Variants in DCDC1 observed in about 807,000 individuals in gnomAD.
DCDC1 encodes doublecortin domain containing 1, also known as doublecortin domain-containing protein 1.
DCDC1 carries 200 observed loss-of-function variants against 178.3 expected under a neutral mutation model. The observed-to-expected ratio is 1.12, with a 90% confidence interval of 1.00 to 1.26. The LOEUF (loss-of-function observed/expected upper bound fraction) is 1.26. Ranked by LOEUF, DCDC1 falls within the 50% of genes most tolerant of loss-of-function variation. The pLI, the probability that DCDC1 is intolerant of heterozygous loss-of-function variation, is 0.00. For synonymous variants in DCDC1, 690 were observed against 604.8 expected (o/e 1.14, Z -2.07); for missense variants, 1,983 against 1,749.2 (o/e 1.13, Z -2.38).
intron 20 of DCDC1, among the ~76,000 whole-genome samples, chr11:30,960,330 G>A (rs1949024135): frequency 6.6e-6 from 1 of 152,092 alleles, no homozygotes; most frequent in Non-Finnish European, 1.5e-5. Flanking sequence ...AGCCGGTCAT[G>A]TTCAACTTAC....
intron 20 of DCDC1, among the ~76,000 whole-genome samples, chr11:31,034,487 T>C (rs1175805051): frequency 6.6e-6 from 1 of 152,206 alleles, no homozygotes; most frequent in Non-Finnish European, 1.5e-5. Flanking sequence ...AAGTGACTTA[T>C]ACAGGTGTCT....
intron 31 of DCDC1, 181 bp downstream of exon 31, chr11:30,904,780 C>G: frequency 4.4e-6 from 3 of 689,318 alleles, no homozygotes; most frequent in African/African-American, 1.8e-5. Flanking sequence ...AAGTCTGTAT[C>G]CACTGACATA....
chr11:30,920,876 G>T lies in DCDC1; in HGVS notation c.3193C>A (p.Pro1065Thr). ...VSGSKLAVHK[P>T]VAIFGEEKQV... ...TTCTCTTCTCCAAAAATTGCTACAGGTTTATGCACAGCAAGCTTGCTTCCA... is the reference window on the plus strand; with the variant it reads ...TTCTCTTCTCCAAAAATTGCTACAGTTTTATGCACAGCAAGCTTGCTTCCA... Residue 1065 changes from proline (P) to threonine (T), a missense_variant, in exon 25 of 39, where the codon CCT (proline) becomes ACT (threonine). Transcript: ENST00000684477. 1 of 1,613,392 alleles carries T rather than the reference G, an allele frequency of 6.2e-7. No individual in the cohort carries two copies. The highest frequency in any genetic ancestry group is 8.5e-7 in the Non-Finnish European group (1 of 1,179,630).
At chr11:30,901,277 T>C (rs1944651336) in intron 32 of DCDC1, among the ~76,000 whole-genome samples, 1 of 152,172 alleles carries the variant, frequency 6.6e-6, no homozygotes, top group Non-Finnish European at 1.5e-5. Context: ...TACTATATAC[T>C]GGGTATTTTA....
At chr11:31,030,809 T>C (rs1953573880) in intron 20 of DCDC1, among the ~76,000 whole-genome samples, 1 of 151,984 alleles carries the variant, frequency 6.6e-6, no homozygotes, top group South Asian at 2.1e-4. Flanking sequence ...ACTAACTTAT[T>C]ACTGAACATT....
intron 21 of DCDC1, among the ~76,000 whole-genome samples, chr11:30,935,502 C>T (rs745752790): frequency 6.6e-6 from 1 of 152,132 alleles, no homozygotes; most frequent in Non-Finnish European, 1.5e-5. Flanking sequence ...AGCAGCCCAT[C>T]CCAGCCATAT....
intron 20 of DCDC1, among the ~76,000 whole-genome samples, chr11:30,956,676 C>T (rs1171830298): frequency 2.0e-5 from 3 of 152,012 alleles, no homozygotes; most frequent in Admixed American, 2.0e-4. Flanking sequence ...TCAACCATTT[C>T]TTTAAAATTA....
intron 20 of DCDC1, among the ~76,000 whole-genome samples, chr11:30,987,347 A>C (rs985009933): frequency 5.9e-5 from 9 of 152,168 alleles, no homozygotes; most frequent in Admixed American, 5.2e-4. Flanking sequence ...AGAGAAAACC[A>C]CAAATGAAAC....
chr11:31,126,091 TC>T (rs781252678), intron 11 of DCDC1, among the ~76,000 whole-genome samples: 80 of 152,156 alleles, frequency 5.3e-4, no homozygotes, highest in Admixed American at 1.3e-3. Flanking sequence ...ACACTTTTTT[TC>T]CCCAAGTCAC....
rs779479733 is a variant in DCDC1, at chr11:30,906,707, G to T, written c.3937C>A (p.Pro1313Thr). 1 of 1,613,142 alleles carries T rather than the reference G, an allele frequency of 6.2e-7. No individual in the cohort carries two copies. The highest frequency in any genetic ancestry group is 8.5e-7 in the Non-Finnish European group (1 of 1,179,532). The change falls in exon 30 of 39, where the codon CCT becomes ACT. Residue 1313 changes from proline (P) to threonine (T), a missense_variant. Physicochemically the swap from Pro to Thr is conservative, Grantham distance 38. Coordinates refer to ENST00000684477, the MANE Select transcript of DCDC1 (RefSeq NM_001387274.1). ...AGCATAGTTTTTCTCTTTCCATCAGGTGAGAGATAACAGTATCCCTAAAAT... is the reference window on the plus strand; with the variant it reads ...AGCATAGTTTTTCTCTTTCCATCAGTTGAGAGATAACAGTATCCCTAAAAT... ...IDQPGYCYLS[P>T]DGKRKTMLCL...
At chr11:31,182,089 T>C (rs1046139382) in intron 9 of DCDC1, among the ~76,000 whole-genome samples, 1 of 152,086 alleles carries the variant, frequency 6.6e-6, no homozygotes, top group African/African-American at 2.4e-5. Flanking sequence ...AATATGGGAC[T>C]ATGTGAAAAG....
At chr11:31,138,886 G>T (rs993514914) in intron 9 of DCDC1, among the ~76,000 whole-genome samples, 1 of 152,116 alleles carries the variant, frequency 6.6e-6, no homozygotes, top group African/African-American at 2.4e-5. Context: ...GATGATATGA[G>T]ACACAGCTAA....
intron 3 of DCDC1, among the ~76,000 whole-genome samples, chr11:31,312,990 T>TA (rs1167015114): frequency 3.3e-5 from 5 of 151,674 alleles, no homozygotes; most frequent in South Asian, 2.1e-4. Flanking sequence ...ACCTCGTCTC[T>TA]AAAAAAAATT....
intron 20 of DCDC1, among the ~76,000 whole-genome samples, chr11:30,986,868 G>A (rs1188691184): frequency 1.3e-5 from 2 of 152,086 alleles, no homozygotes; most frequent in African/African-American, 4.8e-5. Context: ...TGCTCATGAC[G>A]TGAACTCATT....
intron 8 of DCDC1, among the ~76,000 whole-genome samples, chr11:31,244,895 G>A (rs781289856): frequency 6.6e-6 from 1 of 151,734 alleles, no homozygotes; most frequent in Non-Finnish European, 1.5e-5. Flanking sequence ...GACTGAGGCT[G>A]TTGATAAATC....
chr11:31,358,424 T>C (rs1469741637), intron 1 of DCDC1, among the ~76,000 whole-genome samples: 5 of 151,918 alleles, frequency 3.3e-5, no homozygotes, highest in Non-Finnish European at 7.4e-5. Context: ...TTACACCTTA[T>C]ACAAAAATCA....
At chr11:31,315,667 T>TA (rs1555175676) in intron 3 of DCDC1, among the ~76,000 whole-genome samples, 2,051 of 131,238 alleles carry the variant, frequency 0.016, 62 homozygotes, top group African/African-American at 0.061. Flanking sequence ...TTTTTTTTTT[T>TA]ATTAAACTCT....
chr11:30,946,662 A>G (rs1034105850), intron 21 of DCDC1, among the ~76,000 whole-genome samples: 3 of 152,198 alleles, frequency 2.0e-5, no homozygotes, highest in Non-Finnish European at 4.4e-5. Context: ...TTAAGAGGAA[A>G]GAATAAAAAC....
chr11:31,363,727 C>A lies in DCDC1; in HGVS notation c.-125+5970G>T, dbSNP rs1175198620. On this transcript the variant is annotated intron_variant, in intron 1 of 38. Transcript: ENST00000684477. ...ACACATTTTAACCCACAAATTAACACCCCTTGATCATTCAGATTAACCTTT... is the reference window on the plus strand; with the variant it reads ...ACACATTTTAACCCACAAATTAACAACCCTTGATCATTCAGATTAACCTTT... Among the ~76,000 whole-genome samples the A allele has an allele frequency of 3.3e-5, 5 of 152,270 alleles. No homozygotes were observed. The East Asian group carries it at 5.8e-4, about 18-fold the overall frequency.
Sources: gnomAD v4.1 joint callset for allele counts (sites outside exome capture counted in the v4.1 genomes callset) on GRCh38, gnomAD v4.1.1 for gene constraint, MANE v1.5 for transcripts, NCBI Gene and HGNC (gene_info 2026-07-23, HGNC 2026-07-21) for gene names.